Variants in SWT1 observed in about 807,000 individuals in gnomAD.
SWT1 encodes SWT1 RNA endoribonuclease homolog.
SWT1 carries 33 observed loss-of-function variants against 107.3 expected under a neutral mutation model. That is an observed-to-expected ratio of 0.31 (90% CI 0.23 to 0.41). The LOEUF (loss-of-function observed/expected upper bound fraction) is 0.41. Among genes scored for constraint, SWT1 ranks in the 10% least tolerant of loss-of-function variants. The pLI is 1.00. For missense variants in SWT1, 898 were observed against 1,028.9 expected (o/e 0.87, Z 1.74); for synonymous variants, 345 against 348.3 (o/e 0.99, Z 0.11).
chr1:185,214,644 A>G lies in SWT1; in HGVS notation c.2110A>G (p.Thr704Ala), dbSNP rs1191980704. Residue 704 changes from threonine to alanine, a missense_variant, in exon 14 of 19, where the codon ACA (threonine) becomes GCA (alanine). By Grantham distance (58) the Thr-to-Ala change is moderately conservative. This residue lies in a region of SWT1 where 382 missense variants were observed against 460.0 expected (regional missense o/e 0.83). Coordinates refer to ENST00000367500, the MANE Select transcript of SWT1 (RefSeq NM_017673.7). ...TFAQVNNLLQ[T>A]FAEVKTKLKP... ...TGCTCAAGTAAACAACCTCCTTCAG[A>G]CATTTGCAGAGGTAAGATGCCTTTG... The G allele has an allele frequency of 2.5e-6, 4 of 1,608,806 alleles. No homozygotes were observed. Among genetic ancestry groups the G allele is most frequent in the Non-Finnish European group, 3.4e-6 (4 of 1,178,078 alleles).
intron 18 of SWT1, 34 bp downstream of exon 18, chr1:185,276,702 G>T: frequency 8.1e-7 from 1 of 1,239,596 alleles, no homozygotes; most frequent in Non-Finnish European, 1.1e-6. Context: ...ATAAACCATT[G>T]TAACAAGCTT....
chr1:185,189,054 CTG>C (rs1409270601), intron 9 of SWT1, among the ~76,000 whole-genome samples: 1 of 152,162 alleles, frequency 6.6e-6, no homozygotes, highest in African/African-American at 2.4e-5. Context: ...TCATAGCTCA[CTG>C]TAGGCTTGAA....
chr1:185,270,220 C>T (rs1663754781), intron 16 of SWT1, among the ~76,000 whole-genome samples: 1 of 149,918 alleles, frequency 6.7e-6, no homozygotes, highest in African/African-American at 2.4e-5. Flanking sequence ...ACAAAACTCA[C>T]ACAGTTGAGG....
intron 1 of SWT1, among the ~76,000 whole-genome samples, chr1:185,158,484 C>T (rs1180262408): frequency 1.3e-5 from 2 of 151,438 alleles, no homozygotes; most frequent in South Asian, 2.1e-4. Flanking sequence ...ATCTGTGCAT[C>T]ATCCAATAAT....
At chr1:185,255,135 G>C (rs1408455495) in intron 16 of SWT1, among the ~76,000 whole-genome samples, 1 of 152,158 alleles carries the variant, frequency 6.6e-6, no homozygotes, top group African/African-American at 2.4e-5. Context: ...TTGCACTGTG[G>C]TCTGAGAGAC....
chr1:185,259,820 T>C (rs1220758030), intron 16 of SWT1, among the ~76,000 whole-genome samples: 1 of 152,148 alleles, frequency 6.6e-6, no homozygotes, highest in East Asian at 1.9e-4. Flanking sequence ...TAAAGTTATC[T>C]AAAAATACTG....
intron 16 of SWT1, among the ~76,000 whole-genome samples, chr1:185,255,352 G>A (rs1214841401): frequency 6.9e-5 from 10 of 145,792 alleles, no homozygotes; most frequent in African/African-American, 1.1e-4. Context: ...TTTCTGTCAC[G>A]TTGATCTGTC....
At chr1:185,210,904 G>GACAA (rs531211329) in intron 13 of SWT1, among the ~76,000 whole-genome samples, 2 of 152,068 alleles carry the variant, frequency 1.3e-5, no homozygotes. Context: ...ACCAAGAACA[G>GACAA]ACAAACAGAG....
chr1:185,159,373 A>T (rs1189234560), intron 1 of SWT1, among the ~76,000 whole-genome samples: 8 of 152,236 alleles, frequency 5.3e-5, no homozygotes, highest in Non-Finnish European at 1.5e-5. Flanking sequence ...AAACATAAAC[A>T]TAAGTGTTTT....
intron 13 of SWT1, 75 bp downstream of exon 13, chr1:185,206,838 A>G: frequency 9.4e-7 from 1 of 1,069,284 alleles, no homozygotes; most frequent in Non-Finnish European, 1.3e-6. Context: ...TGGGATGTGA[A>G]GATAAATTAA....
intron 16 of SWT1, among the ~76,000 whole-genome samples, chr1:185,255,726 C>G (rs1238004852): frequency 6.9e-6 from 1 of 145,698 alleles, no homozygotes; most frequent in Non-Finnish European, 1.5e-5. Context: ...GGTCTTGACT[C>G]TTTATCCAAT....
rs773900203 is a variant in SWT1, at chr1:185,202,785, A to G, written c.1655A>G (p.Gln552Arg). The G allele has an allele frequency of 1.5e-5, 23 of 1,547,938 alleles. No individual in the cohort carries two copies. The Middle Eastern group carries it at 5.1e-4, about 34-fold the overall frequency. ...TGTCATCAGCCTTGTATTCCTAAGC[A>G]ACAGTTGAAAGCAGGTAGTATTTTT... ...DVCHQPCIPK[Q>R]QLKAETTPLK... is the part of the protein sequence containing the mutation. Residue 552 changes from glutamine (Q) to arginine (R), a missense_variant, in exon 11 of 19, where the codon CAA (glutamine) becomes CGA (arginine). Gln to Arg is a conservative substitution (Grantham distance 43). Coordinates refer to ENST00000367500, the MANE Select transcript of SWT1 (RefSeq NM_017673.7).
intron 7 of SWT1, 51 bp from the exon 8 acceptor site, chr1:185,184,192 T>C: frequency 1.1e-6 from 1 of 925,604 alleles, no homozygotes; most frequent in Non-Finnish European, 1.7e-6. Context: ...ATTTTAGTCA[T>C]TATATAAGTC....
chr1:185,180,511 A>C (rs1655932885), intron 6 of SWT1, 61 bp downstream of exon 6: 1 of 1,166,272 alleles, frequency 8.6e-7, no homozygotes, highest in African/African-American at 1.5e-5. Flanking sequence ...TCCTACTTTT[A>C]ATAAAAAATA....
intron 4 of SWT1, among the ~76,000 whole-genome samples, chr1:185,168,992 A>G (rs1654822018): frequency 6.6e-6 from 1 of 152,190 alleles, no homozygotes; most frequent in Non-Finnish European, 1.5e-5. Flanking sequence ...AAACTTGGTA[A>G]GATCAAGGTT....
chr1:185,264,350 T>C (rs905579149), intron 16 of SWT1: 16 of 985,176 alleles, frequency 1.6e-5, no homozygotes, highest in Non-Finnish European at 1.9e-5. Flanking sequence ...TTCATATGGA[T>C]GACATAAAAG....
At chr1:185,163,112 G>T (rs1385447272) in intron 2 of SWT1, among the ~76,000 whole-genome samples, 1 of 152,260 alleles carries the variant, frequency 6.6e-6, no homozygotes, top group South Asian at 2.1e-4. Context: ...ATTACGGAAG[G>T]ATGGGGTGCT....
intron 4 of SWT1, among the ~76,000 whole-genome samples, chr1:185,173,071 G>T (rs1217864050): frequency 1.3e-5 from 2 of 149,304 alleles, no homozygotes; most frequent in African/African-American, 4.9e-5. Flanking sequence ...AGAAGAAAAT[G>T]GTATGTTATT....
chr1:185,212,698 G>T (rs1658915226), intron 13 of SWT1, among the ~76,000 whole-genome samples: 1 of 151,894 alleles, frequency 6.6e-6, no homozygotes, highest in Non-Finnish European at 1.5e-5. Context: ...AGCTACTCGG[G>T]AGGCTGAGGG....
Sources: gnomAD v4.1 joint callset for allele counts (sites outside exome capture counted in the v4.1 genomes callset) on GRCh38, gnomAD v4.1.1 for gene constraint, gnomAD v4.1.1 regional missense constraint, MANE v1.5 for transcripts, NCBI Gene and HGNC (gene_info 2026-07-23, HGNC 2026-07-21) for gene names.